The following GALNT13 variants were observed in gnomAD, a reference collection of about 807,000 sequenced individuals.
GALNT13 encodes the protein UDP-GalNAc:polypeptide N-acetylgalactosaminyltransferase 13.
In GALNT13, 28 loss-of-function variants were observed where a neutral mutation model predicts 64.2. The observed-to-expected ratio is 0.44, with a 90% CI of 0.32 to 0.60. The LOEUF is 0.60. GALNT13 is among the 20% of genes least tolerant of loss of function. The pLI is 0.05. For missense variants in GALNT13, 577 were observed against 669.8 expected (o/e 0.86, Z 1.53); for synonymous variants, 214 against 224.6 (o/e 0.95, Z 0.42).
the GALNT13 span, among the ~76,000 whole-genome samples, chr2:153,660,445 C>G: frequency 6.6e-6 from 1 of 151,800 alleles, no homozygotes; most frequent in African/African-American, 2.4e-5. Flanking sequence ...GAGCAAGGAA[C>G]TGATACTGTA....
chr2:154,448,790 C>A (rs888221790), intron 12 of GALNT13, among the ~76,000 whole-genome samples: 8 of 151,908 alleles, frequency 5.3e-5, no homozygotes, highest in Non-Finnish European at 1.0e-4. Context: ...GATATGTGAT[C>A]AATTGCAATA....
chr2:153,359,773 A>G, the GALNT13 span, among the ~76,000 whole-genome samples: 1 of 152,166 alleles, frequency 6.6e-6, no homozygotes, highest in Non-Finnish European at 1.5e-5. Context: ...AATTTAAAAT[A>G]ATTACAATTC....
the GALNT13 span, among the ~76,000 whole-genome samples, chr2:153,241,915 T>A: frequency 6.6e-6 from 1 of 152,144 alleles, no homozygotes; most frequent in South Asian, 2.1e-4. Context: ...GCTGGTCAGT[T>A]ATGAACTTTG....
At chr2:153,690,216 G>T in the GALNT13 span, among the ~76,000 whole-genome samples, 53 of 152,108 alleles carry the variant, frequency 3.5e-4, no homozygotes, top group Admixed American at 1.1e-3. Flanking sequence ...GAGATATTCT[G>T]TGCCTTTCAA....
the GALNT13 span, among the ~76,000 whole-genome samples, chr2:153,444,236 A>G: frequency 6.6e-6 from 1 of 152,042 alleles, no homozygotes; most frequent in Non-Finnish European, 1.5e-5. Flanking sequence ...TGCTTACACA[A>G]CTACCTAGGG....
chr2:154,394,640 T>C (rs1275144058), intron 9 of GALNT13, among the ~76,000 whole-genome samples: 6 of 152,368 alleles, frequency 3.9e-5, no homozygotes, highest in Admixed American at 3.3e-4. Flanking sequence ...TGAGAAATTC[T>C]TCTAGTGATT....
chr2:153,347,088 G>A, the GALNT13 span, among the ~76,000 whole-genome samples: 1 of 152,184 alleles, frequency 6.6e-6, no homozygotes, highest in Non-Finnish European at 1.5e-5. Context: ...TCCTGGCTTG[G>A]GCATAAGGAT....
chr2:153,531,226 C>T, the GALNT13 span, among the ~76,000 whole-genome samples: 1 of 152,250 alleles, frequency 6.6e-6, no homozygotes, highest in Non-Finnish European at 1.5e-5. Context: ...GCTCACAGTT[C>T]CACAGGATGT....
the GALNT13 span, among the ~76,000 whole-genome samples, chr2:153,301,178 C>T: frequency 3.3e-5 from 5 of 151,796 alleles, no homozygotes; most frequent in Admixed American, 1.3e-4. Context: ...CCTGAGCGAC[C>T]GGAGTGAGAC....
At chr2:154,032,133 C>A (rs1334510875) in intron 3 of GALNT13, among the ~76,000 whole-genome samples, 1 of 151,516 alleles carries the variant, frequency 6.6e-6, no homozygotes, top group East Asian at 1.9e-4. Context: ...AAGCAGCAAT[C>A]AAATAAATTG....
chr2:153,508,474 A>G, the GALNT13 span, among the ~76,000 whole-genome samples: 11 of 152,012 alleles, frequency 7.2e-5, no homozygotes, highest in African/African-American at 2.2e-4. Context: ...GCTAAGTCAT[A>G]CAGGTCACCA....
At chr2:154,243,540 C>A (rs193046706) in intron 6 of GALNT13, among the ~76,000 whole-genome samples, 99 of 152,232 alleles carry the variant, frequency 6.5e-4, no homozygotes, top group African/African-American at 2.0e-3. Flanking sequence ...ACAATGTCAC[C>A]TTATACATAC....
At chr2:154,198,843 G>A (rs1373915236) in intron 4 of GALNT13, among the ~76,000 whole-genome samples, 2 of 151,964 alleles carry the variant, frequency 1.3e-5, no homozygotes, top group Non-Finnish European at 2.9e-5. Flanking sequence ...ACAAAATAGA[G>A]GTTTAGATGT....
chr2:154,195,992 T>C (rs1270978820), intron 4 of GALNT13, among the ~76,000 whole-genome samples: 1 of 152,230 alleles, frequency 6.6e-6, no homozygotes, highest in Non-Finnish European at 1.5e-5. Context: ...TCCAGTCTTT[T>C]GTTCAACTTA....
the GALNT13 span, among the ~76,000 whole-genome samples, chr2:153,262,991 G>C: frequency 6.6e-6 from 1 of 152,010 alleles, no homozygotes; most frequent in Non-Finnish European, 1.5e-5. Context: ...TACTCAAATA[G>C]GAAGAGAGAA....
the GALNT13 span, among the ~76,000 whole-genome samples, chr2:153,596,357 A>G: frequency 6.6e-6 from 1 of 152,180 alleles, no homozygotes; most frequent in African/African-American, 2.4e-5. Flanking sequence ...AATGCAGACA[A>G]CTTAATAAAG....
At position 154,395,984 on chromosome 2, in the gene GALNT13, A is replaced by C; in HGVS notation, c.1157-7A>C. 1 of 1,583,448 alleles carries C rather than the reference A, an allele frequency of 6.3e-7. No homozygotes were observed. Among genetic ancestry groups the C allele is most frequent in the Non-Finnish European group, 8.6e-7 (1 of 1,167,478 alleles). ...AAACTGATTTGTGTTTCTCTGAAAA[A>C]TTCCAGGTGTTGTCAAAGTGGATTA... On this transcript the variant is annotated splice_polypyrimidine_tract_variant and splice_region_variant and intron_variant, in intron 9 of 12. Coordinates refer to ENST00000392825, the MANE Select transcript of GALNT13 (RefSeq NM_052917.4).
the GALNT13 span, among the ~76,000 whole-genome samples, chr2:153,649,358 C>T: frequency 6.6e-6 from 1 of 151,894 alleles, no homozygotes; most frequent in South Asian, 2.1e-4. Flanking sequence ...TCTCTCTTTT[C>T]TTCTTTATTA....
At chr2:154,252,757 A>G (rs1472306506) in intron 7 of GALNT13, among the ~76,000 whole-genome samples, 1 of 151,936 alleles carries the variant, frequency 6.6e-6, no homozygotes, top group Non-Finnish European at 1.5e-5. Context: ...ATAGATAGAT[A>G]GATAGATAGA....
Sources: gnomAD v4.1 joint callset for allele counts (sites outside exome capture counted in the v4.1 genomes callset) on GRCh38, gnomAD v4.1.1 for gene constraint, MANE v1.5 for transcripts, NCBI Gene and HGNC (gene_info 2026-07-23, HGNC 2026-07-21) for gene names.